The following STK32C variants were observed in gnomAD, a reference collection of about 807,000 sequenced individuals.
The protein encoded by STK32C is serine/threonine-protein kinase 32C.
In STK32C, 31 loss-of-function variants were observed where a neutral mutation model predicts 56.5. That is an observed-to-expected ratio of 0.55 (90% CI 0.41 to 0.74). The LOEUF is 0.74. STK32C is among the 30% of genes least tolerant of loss of function. STK32C has a pLI of 0.00. For synonymous variants in STK32C, 309 were observed against 289.4 expected (o/e 1.07, Z -0.69); for missense variants, 544 against 676.9 (o/e 0.80, Z 2.18).
At chr10:132,316,781 C>T (rs763873969) in intron 1 of STK32C, among the ~76,000 whole-genome samples, 9 of 152,040 alleles carry the variant, frequency 5.9e-5, no homozygotes, top group Non-Finnish European at 8.8e-5. Context: ...AGAGTCCAGG[C>T]GCGGTGGCTT....
Position 132,208,003 on chromosome 10 carries a change from T to C in STK32C, c.*7A>G. On this transcript the variant is annotated 3_prime_UTR_variant, in exon 12 of 12. Coordinates refer to ENST00000298630, the MANE Select transcript of STK32C (RefSeq NM_173575.4). ...GCTCAAGGGGTGAGGACCACGGGCGTCCCGGCCTAGCCGCTCCCGGCCGAG... is the reference window on the plus strand; with the variant it reads ...GCTCAAGGGGTGAGGACCACGGGCGCCCCGGCCTAGCCGCTCCCGGCCGAG... The C allele has an allele frequency of 7.7e-7, 1 of 1,304,996 alleles. No individual in the cohort carries two copies. Among genetic ancestry groups the C allele is most frequent in the South Asian group, 3.2e-5 (1 of 30,904 alleles). 80.8% of individuals were successfully genotyped at this position (1,304,996 alleles called of 1,614,324 possible).
downstream of STK32C, among the ~76,000 whole-genome samples, chr10:132,319,666 A>G (rs1322972945): frequency 6.6e-6 from 1 of 152,216 alleles, no homozygotes; most frequent in Admixed American, 6.5e-5. Context: ...GGCTGGGGTG[A>G]GAGCGGAATG....
intron 3 of STK32C, among the ~76,000 whole-genome samples, chr10:132,227,278 T>G (rs1484865948): frequency 6.6e-6 from 1 of 152,238 alleles, no homozygotes; most frequent in Non-Finnish European, 1.5e-5. Context: ...CTGCCCGGCC[T>G]CCTCTTCGGT....
intron 1 of STK32C, among the ~76,000 whole-genome samples, chr10:132,275,791 G>A (rs1048033431): frequency 1.3e-5 from 2 of 152,182 alleles, no homozygotes; most frequent in Admixed American, 1.3e-4. Context: ...AGAAACTACA[G>A]CCTTCAGCGG....
At chr10:132,224,838 G>T (rs1056612158) in intron 7 of STK32C, among the ~76,000 whole-genome samples, 1 of 152,128 alleles carries the variant, frequency 6.6e-6, no homozygotes, top group African/African-American at 2.4e-5. Flanking sequence ...AGGGCTGAGG[G>T]GTACGGTCCA....
chr10:132,279,324 T>C (rs1351205588), intron 1 of STK32C, among the ~76,000 whole-genome samples: 1 of 152,116 alleles, frequency 6.6e-6, no homozygotes, highest in Non-Finnish European at 1.5e-5. Flanking sequence ...CGTTACAAAC[T>C]AGGTGGAGCG....
chr10:132,208,828 G>A (rs1016440681), intron 11 of STK32C, among the ~76,000 whole-genome samples: 18 of 152,094 alleles, frequency 1.2e-4, no homozygotes, highest in Admixed American at 3.3e-4. Flanking sequence ...TTCCAGCCAC[G>A]GGCCCCGCGT....
intron 4 of STK32C, among the ~76,000 whole-genome samples, chr10:132,226,217 G>A (rs1272203365): frequency 2.0e-5 from 3 of 152,228 alleles, no homozygotes; most frequent in African/African-American, 7.2e-5. Flanking sequence ...GTCCCCAAGA[G>A]CAGAAATGCA....
exon 1 of STK32C, chr10:132,331,688 C>A (rs1395351879): frequency 1.9e-6 from 3 of 1,612,768 alleles, no homozygotes; most frequent in Non-Finnish European, 2.5e-6. Context: ...TGTCCTCGAG[C>A]AGCCCCGCCC....
intron 2 of STK32C, among the ~76,000 whole-genome samples, chr10:132,236,578 A>T (rs575541997): frequency 6.6e-6 from 1 of 152,206 alleles, no homozygotes; most frequent in Non-Finnish European, 1.5e-5. Context: ...TGCCTATGAC[A>T]TATTTGAGAC....
intron 1 of STK32C, among the ~76,000 whole-genome samples, chr10:132,285,761 T>C (rs750389511): frequency 1.3e-5 from 2 of 152,108 alleles, no homozygotes; most frequent in African/African-American, 4.8e-5. Flanking sequence ...CCCTCTATTA[T>C]AGACAAGGAA....
intron 10 of STK32C, among the ~76,000 whole-genome samples, chr10:132,222,304 C>A (rs1278335910): frequency 7.7e-6 from 1 of 129,680 alleles, no homozygotes; most frequent in Non-Finnish European, 1.7e-5. Context: ...ATACCTGATG[C>A]TGACGCACCT....
rs534793507 is a variant in STK32C, at chr10:132,219,639, C to A, written c.1251+3002G>T. 3.9e-5 allele frequency among the ~76,000 whole-genome samples: 6 copies of A among 152,336 alleles called. No homozygotes were observed. The South Asian group carries it at 1.2e-3, about 32-fold the overall frequency. Reference sequence around the variant, plus strand: ...TCTCAGCAGTGCCTCACAGTGGCCACCTGGCAGACAGCAGCTCTCCACCAG... The same window carrying A: ...TCTCAGCAGTGCCTCACAGTGGCCAACTGGCAGACAGCAGCTCTCCACCAG... On this transcript the variant is annotated intron_variant, in intron 10 of 11. Transcript: ENST00000298630.
At chr10:132,279,787 A>G (rs1259129757) in intron 1 of STK32C, among the ~76,000 whole-genome samples, 1 of 148,452 alleles carries the variant, frequency 6.7e-6, no homozygotes, top group Admixed American at 6.7e-5. Context: ...GTACTCGGTG[A>G]TCACACCCCT....
intron 1 of STK32C, among the ~76,000 whole-genome samples, chr10:132,316,307 A>T (rs2066308671): frequency 6.6e-6 from 1 of 152,180 alleles, no homozygotes; most frequent in South Asian, 2.1e-4. Context: ...AGTAAAGATG[A>T]GCTATAAAAA....
intron 1 of STK32C, among the ~76,000 whole-genome samples, chr10:132,261,228 A>G (rs1013896115): frequency 1.3e-5 from 2 of 152,174 alleles, no homozygotes; most frequent in Non-Finnish European, 2.9e-5. Flanking sequence ...AGGTGGCTGG[A>G]GAATCTCCCC....
intron 1 of STK32C, among the ~76,000 whole-genome samples, chr10:132,300,769 G>A (rs1296630555): frequency 1.3e-5 from 2 of 152,096 alleles, no homozygotes; most frequent in Admixed American, 6.6e-5. Context: ...GTGGCCACTC[G>A]CCCCCATTGA....
chr10:132,286,043 G>A (rs11146312), intron 1 of STK32C, among the ~76,000 whole-genome samples: 49,444 of 151,572 alleles, frequency 0.33, 8,237 homozygotes, highest in Non-Finnish European at 0.37. Flanking sequence ...GGAGAATGGC[G>A]TGAACCCGGG....
At chr10:132,295,049 A>G (rs966801626) in intron 1 of STK32C, among the ~76,000 whole-genome samples, 1 of 152,012 alleles carries the variant, frequency 6.6e-6, no homozygotes, top group South Asian at 2.1e-4. Flanking sequence ...ACCCAGAGAA[A>G]CAGCCTCCAA....
Sources: gnomAD v4.1 joint callset for allele counts (sites outside exome capture counted in the v4.1 genomes callset) on GRCh38, gnomAD v4.1.1 for gene constraint, MANE v1.5 for transcripts, NCBI Gene and HGNC (gene_info 2026-07-23, HGNC 2026-07-21) for gene names.